KIF5B: variants seen among roughly 807,000 people sequenced by gnomAD.
The protein encoded by KIF5B is kinesin family member 5B.
Under a neutral mutation model 132.8 loss-of-function variants are expected in KIF5B, and 49 were observed. The observed-to-expected ratio is 0.37, with a 90% CI of 0.29 to 0.47. The LOEUF (loss-of-function observed/expected upper bound fraction) is 0.47, where lower values mean the gene tolerates loss of function less well. Among genes scored for constraint, KIF5B ranks in the 20% least tolerant of loss-of-function variants. The probability of loss-of-function intolerance (pLI) is 1.00; values close to 1 mark genes in which losing one functional copy is unlikely to be tolerated. For synonymous variants in KIF5B, 355 were observed against 369.4 expected (o/e 0.96, Z 0.45); for missense variants, 780 against 1,144.0 (o/e 0.68, Z 4.59).
intron 8 of KIF5B, 36 bp from the exon 9 acceptor site, chr10:32,036,030 A>T: frequency 2.2e-6 from 3 of 1,371,148 alleles, no homozygotes; most frequent in South Asian, 2.8e-5. Flanking sequence ...AAACAAAATT[A>T]CAAGTTTATA....
Position 32,028,556 on chromosome 10 carries a change from T to G in KIF5B, c.1597A>C (p.Ile533Leu), listed in dbSNP as rs375091697. 43 of 1,612,814 alleles carry G rather than the reference T, an allele frequency of 2.7e-5. No homozygotes were observed. The African/African-American group carries it at 5.6e-4, about 21-fold the overall frequency. ...LNQKSATLAS[I>L]DAELQKLKEM... ...TTAAGTTTCTGAAGCTCAGCATCTATACTCGCTAAAGTTGCCTAAGAGAAC... is the reference window on the plus strand; with the variant it reads ...TTAAGTTTCTGAAGCTCAGCATCTAGACTCGCTAAAGTTGCCTAAGAGAAC... The change falls in exon 15 of 26, where the codon ATA (isoleucine) becomes CTA (leucine). Residue 533 changes from isoleucine to leucine, a missense_variant. Physicochemically the swap from Ile to Leu is conservative, Grantham distance 5. Around this residue, in one of 9 missense-constraint regions of KIF5B, gnomAD observed 471 missense variants for 569.9 expected, o/e 0.83. Transcript: ENST00000302418.
At chr10:32,034,474 T>G (rs2132601466) in intron 11 of KIF5B, among the ~76,000 whole-genome samples, 1 of 152,320 alleles carries the variant, frequency 6.6e-6, no homozygotes, top group East Asian at 1.9e-4. Flanking sequence ...AAGTTCAGAT[T>G]CTTCTGCTTA....
chr10:32,036,039 T>C (rs1841456573), intron 8 of KIF5B, 45 bp from the exon 9 acceptor site: 1 of 1,295,754 alleles, frequency 7.7e-7, no homozygotes, highest in African/African-American at 1.5e-5. Context: ...TACAAGTTTA[T>C]AATTTTCTTT....
At position 32,056,204 on chromosome 10, in the gene KIF5B, G is replaced by GGCGGCA. The variant is rs1217348512; in HGVS notation, c.-237_-232dup. The GGCGGCA allele has an allele frequency of 4.0e-6, 2 of 506,130 alleles. No individual in the cohort carries two copies. The highest frequency in any genetic ancestry group is 4.1e-5 in the Admixed American group (1 of 24,492). The allele number at this position is 506,130 out of a possible 1,614,324, so 31.4% of individuals were successfully genotyped here. A position where few individuals can be genotyped will look rare whatever the true frequency, so the allele number is the denominator to read the frequency against. ...TCCGATCCATCATGGCAGCCATGGC[G>GGCGGCA]GCGGCAGCGGCGGCGGCACCGGGGA... On this transcript the variant is annotated 5_prime_UTR_variant, in exon 1 of 26. Transcript: ENST00000302418.
At chr10:32,015,031 G>C (rs993975564) in intron 25 of KIF5B, among the ~76,000 whole-genome samples, 7 of 151,898 alleles carry the variant, frequency 4.6e-5, no homozygotes, top group African/African-American at 1.7e-4. Flanking sequence ...CTGAGGCAGG[G>C]GTATCGCTTG....
intron 12 of KIF5B, among the ~76,000 whole-genome samples, chr10:32,033,368 A>G (rs2132600100): frequency 6.6e-6 from 1 of 152,336 alleles, no homozygotes; most frequent in Non-Finnish European, 1.5e-5. Context: ...TTACCACTTG[A>G]GCTCCGCCTT....
intron 19 of KIF5B, among the ~76,000 whole-genome samples, 180 bp downstream of exon 19, chr10:32,020,841 TA>T (rs948346827): frequency 5.9e-5 from 9 of 151,748 alleles, no homozygotes; most frequent in African/African-American, 1.2e-4. Flanking sequence ...TCAAAAGACC[TA>T]AAAAAAAGCC....
At chr10:32,039,199 T>C (rs1841501465) in intron 4 of KIF5B, 128 bp downstream of exon 4, 1 of 537,398 alleles carries the variant, frequency 1.9e-6, no homozygotes. Flanking sequence ...TTTACTAACC[T>C]GAATGATCTT....
intron 24 of KIF5B, among the ~76,000 whole-genome samples, chr10:32,016,644 C>T (rs12774138): frequency 6.6e-5 from 10 of 152,058 alleles, no homozygotes; most frequent in South Asian, 2.1e-4. Context: ...CAGGTTCCAG[C>T]GATTCTCCTG....
intron 1 of KIF5B, among the ~76,000 whole-genome samples, chr10:32,053,191 G>A (rs910695179): frequency 3.3e-5 from 5 of 151,970 alleles, no homozygotes; most frequent in Admixed American, 6.6e-5. Context: ...AAACCAAACC[G>A]AGAAGATTTT....
intron 23 of KIF5B, among the ~76,000 whole-genome samples, 167 bp from the exon 24 acceptor site, chr10:32,017,526 C>T (rs1328355253): frequency 6.6e-6 from 1 of 152,200 alleles, no homozygotes; most frequent in Non-Finnish European, 1.5e-5. Context: ...CTATACATAG[C>T]GTGCACACAT....
chr10:32,037,172 C>T (rs1841472214), intron 8 of KIF5B, 82 bp downstream of exon 8: 2 of 1,348,606 alleles, frequency 1.5e-6, no homozygotes, highest in Non-Finnish European at 2.1e-6. Context: ...TAAGATGCAA[C>T]AATGAACCCT....
intron 24 of KIF5B, among the ~76,000 whole-genome samples, chr10:32,016,028 C>T (rs1841154935): frequency 6.6e-6 from 1 of 151,980 alleles, no homozygotes; most frequent in Non-Finnish European, 1.5e-5. Flanking sequence ...CCTGTAGTCC[C>T]AGCTACTTGG....
intron 1 of KIF5B, among the ~76,000 whole-genome samples, chr10:32,051,933 G>C (rs1212268677): frequency 6.6e-6 from 1 of 152,124 alleles, no homozygotes; most frequent in African/African-American, 2.4e-5. Flanking sequence ...ACATTATGCA[G>C]CTTTTAATCC....
chr10:32,022,714 T>A (rs117273519), intron 16 of KIF5B, 134 bp downstream of exon 16: 25 of 588,300 alleles, frequency 4.2e-5, no homozygotes, highest in Non-Finnish European at 6.5e-5. Flanking sequence ...TCATTCAAAT[T>A]TACTGCAGCT....
intron 13 of KIF5B, 65 bp from the exon 14 acceptor site, chr10:32,031,344 C>A: frequency 8.1e-7 from 1 of 1,241,978 alleles, no homozygotes; most frequent in Non-Finnish European, 1.2e-6. Flanking sequence ...ACCCATGAAG[C>A]TTCACCATTT....
In KIF5B at chr10:32,049,732, C is replaced by CA. The variant is rs373135892; in HGVS notation, c.127-1182dup. ...CTGAGAAGGAGCCAGGGGTATTGAA[C>CA]AAAAAAAAAAAATCAGTGGTGTCCA... On this transcript the variant is annotated intron_variant, in intron 1 of 25. Coordinates refer to ENST00000302418, the MANE Select transcript of KIF5B (RefSeq NM_004521.3). 9.4e-3 allele frequency among the ~76,000 whole-genome samples: 1,288 copies of CA among 137,320 alleles called. 25 individuals carry two copies. Among genetic ancestry groups the CA allele is most frequent in the African/African-American group, 0.03 (1,111 of 37,392 alleles). 90.1% of individuals were successfully genotyped at this position (137,320 alleles called of 152,430 possible). A position where few individuals can be genotyped will look rare whatever the true frequency, so the allele number is the denominator to read the frequency against.
At chr10:32,042,974 C>A (rs545947499) in intron 2 of KIF5B, among the ~76,000 whole-genome samples, 1 of 152,092 alleles carries the variant, frequency 6.6e-6, no homozygotes, top group South Asian at 2.1e-4. Flanking sequence ...ATCACAAAAC[C>A]CCGTGCACGG....
intron 1 of KIF5B, among the ~76,000 whole-genome samples, chr10:32,053,293 G>A (rs1841715741): frequency 6.6e-6 from 1 of 151,986 alleles, no homozygotes; most frequent in Non-Finnish European, 1.5e-5. Flanking sequence ...ACAAAAATAT[G>A]AGACCTCAAT....
Sources: gnomAD v4.1 joint callset for allele counts (sites outside exome capture counted in the v4.1 genomes callset) on GRCh38, gnomAD v4.1.1 for gene constraint, gnomAD v4.1.1 regional missense constraint, MANE v1.5 for transcripts, NCBI Gene and HGNC (gene_info 2026-07-23, HGNC 2026-07-21) for gene names.